KLF12: variants seen among roughly 807,000 people sequenced by gnomAD.
KLF12 encodes the protein Krueppel-like factor 12.
A neutral mutation model predicts 37.8 loss-of-function variants in KLF12; 9 were observed. That is an observed-to-expected ratio of 0.24 (90% CI 0.14 to 0.42). KLF12 has a LOEUF of 0.42. KLF12 is among the 10% of genes least tolerant of loss of function. The pLI, the probability that KLF12 is intolerant of heterozygous loss-of-function variation, is 1.00. For missense variants in KLF12, 411 were observed against 516.0 expected (o/e 0.80, Z 1.97); for synonymous variants, 208 against 202.1 (o/e 1.03, Z -0.25).
upstream of KLF12, among the ~76,000 whole-genome samples, chr13:74,135,979 CTGCCTCT>C (rs1156872881): frequency 1.3e-5 from 2 of 152,206 alleles, no homozygotes; most frequent in African/African-American, 4.8e-5. Context: ...GGTGCGTTCT[CTGCCTCT>C]TGCCACTCCT....
intron 2 of KLF12, among the ~76,000 whole-genome samples, chr13:73,956,314 T>A (rs781344743): frequency 6.6e-6 from 1 of 152,210 alleles, no homozygotes; most frequent in South Asian, 2.1e-4. Context: ...AAAATAAATG[T>A]TGCCAATAGA....
At chr13:74,243,238 G>A in the KLF12 span, among the ~76,000 whole-genome samples, 1 of 152,104 alleles carries the variant, frequency 6.6e-6, no homozygotes, top group South Asian at 2.1e-4. Context: ...AGTTTGCTGA[G>A]AGTGATGGTT....
intron 2 of KLF12, among the ~76,000 whole-genome samples, chr13:73,969,020 C>T (rs1891251229): frequency 1.3e-5 from 1 of 78,836 alleles, no homozygotes; most frequent in Non-Finnish European, 2.8e-5. Flanking sequence ...TCTCCCTTAC[C>T]CCATACTTTA....
intron 2 of KLF12, among the ~76,000 whole-genome samples, chr13:73,959,977 A>G (rs576456490): frequency 2.5e-4 from 38 of 152,142 alleles, no homozygotes; most frequent in Non-Finnish European, 3.8e-4. Flanking sequence ...AAACCCTACT[A>G]AACTCCCTGA....
intron 6 of KLF12, among the ~76,000 whole-genome samples, chr13:73,762,995 T>C (rs756755344): frequency 2.0e-5 from 3 of 152,196 alleles, no homozygotes; most frequent in Non-Finnish European, 2.9e-5. Context: ...TAGAGTCAAT[T>C]TGGAAATATC....
intron 2 of KLF12, among the ~76,000 whole-genome samples, chr13:73,974,235 C>A (rs1176636278): frequency 1.3e-5 from 2 of 150,664 alleles, no homozygotes; most frequent in African/African-American, 4.9e-5. Flanking sequence ...ATTGAAATAA[C>A]AGACAGTGTT....
intron 3 of KLF12, among the ~76,000 whole-genome samples, chr13:73,923,131 T>C (rs1343094184): frequency 6.6e-6 from 1 of 152,154 alleles, no homozygotes; most frequent in Non-Finnish European, 1.5e-5. Context: ...ATTTTTTTTA[T>C]CTTCTAAATG....
intron 7 of KLF12, among the ~76,000 whole-genome samples, chr13:73,698,080 C>A (rs1179496727): frequency 6.6e-6 from 1 of 151,740 alleles, no homozygotes; most frequent in Non-Finnish European, 1.5e-5. Context: ...TTGCTTGAGT[C>A]CAGGAGTTTA....
At chr13:74,045,815 T>C (rs1053504079) in intron 1 of KLF12, among the ~76,000 whole-genome samples, 12 of 152,090 alleles carry the variant, frequency 7.9e-5, no homozygotes. Flanking sequence ...TCACCTGCAA[T>C]GGGAGGGCAT....
chr13:74,217,165 C>A, the KLF12 span, among the ~76,000 whole-genome samples: 5 of 151,662 alleles, frequency 3.3e-5, no homozygotes. Flanking sequence ...TTAGATGATT[C>A]TTTTTTTTGA....
chr13:73,857,024 T>A (rs563229364), intron 3 of KLF12, among the ~76,000 whole-genome samples: 1 of 151,928 alleles, frequency 6.6e-6, no homozygotes, highest in East Asian at 1.9e-4. Context: ...TAAACTAAAA[T>A]TAAAATTAAA....
At chr13:73,729,301 A>G (rs568085410) in intron 6 of KLF12, among the ~76,000 whole-genome samples, 59 of 152,348 alleles carry the variant, frequency 3.9e-4, no homozygotes, top group African/African-American at 1.4e-3. Context: ...TCAGGATCTG[A>G]GCATATTGCT....
At chr13:74,068,504 A>G (rs371638222) in intron 1 of KLF12, among the ~76,000 whole-genome samples, 28 of 152,230 alleles carry the variant, frequency 1.8e-4, no homozygotes, top group African/African-American at 6.7e-4. Flanking sequence ...TCCTACATCC[A>G]AAGATTGATA....
the KLF12 span, among the ~76,000 whole-genome samples, chr13:74,289,928 C>T: frequency 6.6e-6 from 1 of 152,174 alleles, no homozygotes; most frequent in Non-Finnish European, 1.5e-5. Context: ...GAGTTAAAAA[C>T]TTGAGTGGGC....
At chr13:74,089,454 G>A (rs951703014) in intron 1 of KLF12, among the ~76,000 whole-genome samples, 2 of 152,040 alleles carry the variant, frequency 1.3e-5, no homozygotes, top group Non-Finnish European at 2.9e-5. Context: ...AAATTCCACA[G>A]ATAACCTAAT....
At chr13:74,144,526 T>C in the KLF12 span, among the ~76,000 whole-genome samples, 1 of 152,166 alleles carries the variant, frequency 6.6e-6, no homozygotes, top group African/African-American at 2.4e-5. Context: ...TCAATCACTA[T>C]GTATTTGTAG....
chr13:73,718,178 G>A (rs1252060588), intron 6 of KLF12, among the ~76,000 whole-genome samples: 1 of 151,996 alleles, frequency 6.6e-6, no homozygotes, highest in African/African-American at 2.4e-5. Flanking sequence ...ATTGATTTTA[G>A]CTATTTATCT....
At chr13:73,782,045 G>A (rs372864455) in intron 5 of KLF12, among the ~76,000 whole-genome samples, 13 of 152,286 alleles carry the variant, frequency 8.5e-5, no homozygotes, top group African/African-American at 3.1e-4. Flanking sequence ...AGACAGTAGT[G>A]TGGTATAAAT....
intron 6 of KLF12, among the ~76,000 whole-genome samples, chr13:73,759,246 T>C (rs747686809): frequency 6.6e-6 from 1 of 152,142 alleles, no homozygotes; most frequent in Non-Finnish European, 1.5e-5. Context: ...CACGCATGGC[T>C]TAAAAAGACC....
Sources: gnomAD v4.1 joint callset for allele counts (sites outside exome capture counted in the v4.1 genomes callset) on GRCh38, gnomAD v4.1.1 for gene constraint, MANE v1.5 for transcripts, NCBI Gene and HGNC (gene_info 2026-07-23, HGNC 2026-07-21) for gene names.